Variants in CLEC7A observed in about 807,000 individuals in gnomAD.
CLEC7A encodes C-type lectin domain family 7 member A.
CLEC7A carries 25 observed loss-of-function variants against 26.9 expected under a neutral mutation model. The ratio of observed to expected loss-of-function variants is 0.93; its 90% confidence interval spans 0.68 to 1.30. CLEC7A has a LOEUF of 1.30. Ranked by LOEUF, CLEC7A falls within the 50% of genes most tolerant of loss-of-function variation. The probability of loss-of-function intolerance (pLI) is 0.00; values close to 1 mark genes in which losing one functional copy is unlikely to be tolerated. For missense variants in CLEC7A, 275 were observed against 286.7 expected (o/e 0.96, Z 0.29); for synonymous variants, 100 against 99.5 (o/e 1.01, Z -0.03).
Position 10,118,492 on chromosome 12 carries a change from G to T in CLEC7A, c.710C>A (p.Ser237Ter), listed in dbSNP as rs758834241. The T allele has an allele frequency of 3.7e-6, 6 of 1,611,722 alleles. No individual in the cohort carries two copies. The highest frequency in any genetic ancestry group is 5.1e-6 in the Non-Finnish European group (6 of 1,178,002). ...VIYDQLCSVP[S>*]YSICEKKFSM ...AAACTTCTTCTCACAAATACTATAT[G>T]AGGGCACACTACACAGTTGGTCATA... Residue 237 changes from serine to a stop codon, truncating the protein, a stop_gained, in exon 6 of 6, where the codon TCA (serine) becomes TAA (stop). Coordinates refer to ENST00000304084, the MANE Select transcript of CLEC7A (RefSeq NM_197947.3). LOFTEE classifies it high-confidence loss of function.
intron 5 of CLEC7A, among the ~76,000 whole-genome samples, chr12:10,121,804 C>T (rs1019778568): frequency 6.6e-6 from 1 of 152,038 alleles, no homozygotes; most frequent in African/African-American, 2.4e-5. Context: ...GTCAGGAGAT[C>T]GAGACCATCC....
chr12:10,128,244 A>C (rs985774978), intron 1 of CLEC7A, among the ~76,000 whole-genome samples: 43 of 89,976 alleles, frequency 4.8e-4, no homozygotes, highest in Admixed American at 6.9e-4. Context: ...ACACACACAC[A>C]CACCACCAAC....
At chr12:10,121,564 G>C (rs568550426) in intron 5 of CLEC7A, among the ~76,000 whole-genome samples, 1 of 152,228 alleles carries the variant, frequency 6.6e-6, no homozygotes, top group East Asian at 1.9e-4. Flanking sequence ...GAGATAACCA[G>C]AAACACATAT....
chr12:10,127,175 A>T, intron 2 of CLEC7A: 1 of 1,053,334 alleles, frequency 9.5e-7, no homozygotes, highest in Non-Finnish European at 1.3e-6. Context: ...AACAGATTGC[A>T]TGTGATATAA....
rs1408736879 is a variant in CLEC7A, at chr12:10,117,072, C to T, written c.*1386G>A. The T allele has an allele frequency of 6.6e-6, 1 of 152,124 alleles. No homozygotes were observed. Among genetic ancestry groups the T allele is most frequent in the Non-Finnish European group, 1.5e-5 (1 of 68,012 alleles). The allele number at this position is 152,124 out of a possible 1,614,324, so 9.4% of individuals were successfully genotyped here. ...AAATGGTAAAAATTGTAAAACAGTA[C>T]ATCACAAAACTAATAAAACATATTC... On this transcript the variant is annotated 3_prime_UTR_variant, in exon 6 of 6. Transcript: ENST00000304084.
At position 10,118,591 on chromosome 12, in the gene CLEC7A, C is replaced by A; in HGVS notation, c.612-1G>T. The A allele has an allele frequency of 6.2e-7, 1 of 1,611,840 alleles. No homozygotes were observed. The highest frequency in any genetic ancestry group is 8.5e-7 in the Non-Finnish European group (1 of 1,178,776). Reference sequence around the variant, plus strand: ...GGTAGCTGTGGTTCTGATCTGAAATCTGTTAAAATAGAATACAGTGAGGTA... The same window carrying A: ...GGTAGCTGTGGTTCTGATCTGAAATATGTTAAAATAGAATACAGTGAGGTA... On this transcript the variant is annotated splice_acceptor_variant, in intron 5 of 5. Transcript: ENST00000304084. LOFTEE classifies it high-confidence loss of function.
Position 10,118,260 on chromosome 12 carries a change from A to C in CLEC7A, c.*198T>G. The stretch of plus-strand genomic sequence containing the variant: ...GTCTAGGGATCTACTAACTAGAAAA[A>C]TAATACTAGCCTACCTGTAGGTCGA... On this transcript the variant is annotated 3_prime_UTR_variant, in exon 6 of 6. Transcript: ENST00000304084. 1.9e-6 allele frequency: 1 copy of C among 537,644 alleles called. No individual in the cohort carries two copies. The highest frequency in any genetic ancestry group is 3.3e-5 in the East Asian group (1 of 30,000). 33.3% of individuals were successfully genotyped at this position (537,644 alleles called of 1,614,324 possible).
intron 5 of CLEC7A, among the ~76,000 whole-genome samples, chr12:10,119,029 A>C (rs923404610): frequency 6.6e-6 from 1 of 152,210 alleles, no homozygotes; most frequent in Non-Finnish European, 1.5e-5. Context: ...AAAGAGAATC[A>C]GAGATGCCCA....
rs1947972799 is a variant in CLEC7A, at chr12:10,118,399, T to TCTGTTTTCTGTC, written c.*47_*58dup. The TCTGTTTTCTGTC allele has an allele frequency of 6.7e-7, 1 of 1,497,848 alleles. No homozygotes were observed. Among genetic ancestry groups the TCTGTTTTCTGTC allele is most frequent in the Non-Finnish European group, 9.2e-7 (1 of 1,083,344 alleles). 92.8% of individuals were successfully genotyped at this position (1,497,848 alleles called of 1,614,324 possible). ...GACCTCAGCTGTTACTCTTTTCTGTTCTGTTTTCTGTCCTCCTTACTACCT... is the reference window on the plus strand; with the variant it reads ...GACCTCAGCTGTTACTCTTTTCTGTTCTGTTTTCTGTCCTGTTTTCTGTCCTCCTTACTACCT... On this transcript the variant is annotated 3_prime_UTR_variant, in exon 6 of 6. Coordinates refer to ENST00000304084, the MANE Select transcript of CLEC7A (RefSeq NM_197947.3).
chr12:10,126,212 CTG>C (rs773755119), intron 3 of CLEC7A: 104 of 983,480 alleles, frequency 1.1e-4, no homozygotes, highest in Middle Eastern at 5.2e-4. Context: ...CCTATTCTAA[CTG>C]TATCGCATTT....
intron 2 of CLEC7A, chr12:10,127,167 C>T (rs1222970994): frequency 3.8e-6 from 4 of 1,058,054 alleles, no homozygotes; most frequent in Non-Finnish European, 5.3e-6. Context: ...TGACTGACAA[C>T]AGATTGCATG....
chr12:10,126,667 C>T lies in CLEC7A; in HGVS notation c.244G>A (p.Gly82Ser), dbSNP rs368397655. 3.5e-5 allele frequency: 57 copies of T among 1,612,562 alleles called. No homozygotes were observed. In the African/African-American group the frequency reaches 6.4e-4, roughly 18 times the overall value. The part of the protein sequence containing the change: ...SNSGSNTLEN[G>S]YFLSRNKENH... ...TCTTTATTTCTTGATAGAAAGTAGC[C>T]ATTCTCCAATGTGTTGCTTCCTGAA... is the stretch of plus-strand genomic sequence containing the variant. Residue 82 changes from glycine (G) to serine (S), a missense_variant, in exon 3 of 6, where the codon GGC becomes AGC. Gly to Ser is a moderately conservative substitution (Grantham distance 56, BLOSUM62 0). Transcript: ENST00000304084.
chr12:10,127,704 T>C, intron 2 of CLEC7A, 43 bp downstream of exon 2: 1 of 1,309,232 alleles, frequency 7.6e-7, no homozygotes, highest in Non-Finnish European at 1.1e-6. Context: ...TAATAATTGC[T>C]TACTAAATTG....
At chr12:10,118,850 A>G (rs931817440) in intron 5 of CLEC7A, among the ~76,000 whole-genome samples, 1 of 152,194 alleles carries the variant, frequency 6.6e-6, no homozygotes, top group Non-Finnish European at 1.5e-5. Context: ...GTTCCTGACA[A>G]AGAAGAAAAA....
In CLEC7A at chr12:10,118,371, C is replaced by T. The variant is rs576227282; in HGVS notation, c.*87G>A. 2 of 1,283,746 alleles carry T rather than the reference C, an allele frequency of 1.6e-6. No homozygotes were observed. The highest frequency in any genetic ancestry group is 2.3e-5 in the East Asian group (1 of 42,580). 79.5% of individuals were successfully genotyped at this position (1,283,746 alleles called of 1,614,324 possible). A position where few individuals can be genotyped will look rare whatever the true frequency, so the allele number is the denominator to read the frequency against. On this transcript the variant is annotated 3_prime_UTR_variant, in exon 6 of 6. Transcript: ENST00000304084. ...CTCTCTAAACATTTTCTGCATTTATCTTGACCTCAGCTGTTACTCTTTTCT... is the reference window on the plus strand; with the variant it reads ...CTCTCTAAACATTTTCTGCATTTATTTTGACCTCAGCTGTTACTCTTTTCT...
chr12:10,120,215 T>G (rs1034040824), intron 5 of CLEC7A, among the ~76,000 whole-genome samples: 1 of 152,114 alleles, frequency 6.6e-6, no homozygotes, highest in Non-Finnish European at 1.5e-5. Flanking sequence ...GGGTCTGTAA[T>G]GAATGTAACT....
At chr12:10,128,284 T>C (rs1383473511) in intron 1 of CLEC7A, among the ~76,000 whole-genome samples, 1 of 151,704 alleles carries the variant, frequency 6.6e-6, no homozygotes, top group Admixed American at 6.6e-5. Context: ...GGCAAATTTT[T>C]AAGTGAATTA....
intron 1 of CLEC7A, 123 bp from the exon 2 acceptor site, chr12:10,127,968 A>ACTTT: frequency 4.6e-6 from 3 of 654,104 alleles, no homozygotes; most frequent in African/African-American, 1.8e-5. Flanking sequence ...TAATCCCAGA[A>ACTTT]GGGAGACTGA....
At chr12:10,119,838 T>TAA (rs777597817) in intron 5 of CLEC7A, among the ~76,000 whole-genome samples, 1 of 139,112 alleles carries the variant, frequency 7.2e-6, no homozygotes, top group African/African-American at 2.7e-5. Context: ...AGAAAAATAG[T>TAA]AAAAAAAAAA....
Sources: allele counts gnomAD v4.1 joint callset (sites outside exome capture counted in the v4.1 genomes callset), GRCh38; gene constraint gnomAD v4.1.1; transcripts MANE v1.5; gene names NCBI Gene and HGNC (gene_info 2026-07-23, HGNC 2026-07-21).